Variants in SMAP1 observed in about 807,000 individuals in gnomAD.
SMAP1 encodes the protein small ArfGAP 1, also known as stromal membrane-associated protein 1.
Under a neutral mutation model 58.5 loss-of-function variants are expected in SMAP1, and 24 were observed. The observed-to-expected ratio is 0.41, with a 90% CI of 0.30 to 0.58. The LOEUF (loss-of-function observed/expected upper bound fraction) is 0.58, where lower values mean the gene tolerates loss of function less well. SMAP1 is among the 20% of genes least tolerant of loss of function. The pLI is 0.29. For synonymous variants in SMAP1, 216 were observed against 196.6 expected (o/e 1.10, Z -0.82); for missense variants, 563 against 566.3 (o/e 0.99, Z 0.06).
chr6:70,781,788 G>A lies in SMAP1; in HGVS notation c.414+8363G>A, dbSNP rs148706249. On this transcript the variant is annotated intron_variant, in intron 4 of 10. Transcript: ENST00000370455. ...CTTCATACCTTTTCAAAGGGTGTTT[G>A]TTCACCTTATTCTTGTAGGTGGGAG... Among the ~76,000 whole-genome samples, 482 of 152,288 alleles carry A rather than the reference G, an allele frequency of 3.2e-3. 11 individuals are homozygous for A. Among genetic ancestry groups the A allele is most frequent in the Admixed American group, 0.029 (438 of 15,300 alleles).
intron 1 of SMAP1, among the ~76,000 whole-genome samples, chr6:70,683,447 G>T (rs1010274695): frequency 6.6e-6 from 1 of 152,052 alleles, no homozygotes; most frequent in East Asian, 1.9e-4. Context: ...TGGGATTACA[G>T]GCATGAGCCA....
intron 2 of SMAP1, among the ~76,000 whole-genome samples, chr6:70,754,238 A>G (rs976566510): frequency 1.3e-5 from 2 of 152,164 alleles, no homozygotes; most frequent in Non-Finnish European, 2.9e-5. Context: ...ATAATAGAAT[A>G]TTAAGGAAGT....
intron 1 of SMAP1, among the ~76,000 whole-genome samples, chr6:70,684,916 C>T (rs1489278165): frequency 6.6e-6 from 1 of 152,190 alleles, no homozygotes; most frequent in Non-Finnish European, 1.5e-5. Context: ...TCTCCCACTG[C>T]TGACTCTGAT....
At chr6:70,835,984 A>C (rs1460252192) in intron 6 of SMAP1, among the ~76,000 whole-genome samples, 3 of 152,136 alleles carry the variant, frequency 2.0e-5, no homozygotes, top group Admixed American at 6.5e-5. Context: ...AGTAATTAAT[A>C]ATGTAGATTC....
At chr6:70,735,548 T>C (rs1765586511) in intron 2 of SMAP1, among the ~76,000 whole-genome samples, 2 of 152,176 alleles carry the variant, frequency 1.3e-5, no homozygotes, top group Non-Finnish European at 2.9e-5. Flanking sequence ...GTGGCCAAAG[T>C]GGGCAGATCC....
intron 2 of SMAP1, among the ~76,000 whole-genome samples, chr6:70,740,087 A>G (rs891150967): frequency 6.6e-6 from 1 of 152,208 alleles, no homozygotes; most frequent in Non-Finnish European, 1.5e-5. Flanking sequence ...TCTTCATTGT[A>G]GAGCTATTAT....
At chr6:70,827,553 G>A (rs1383647998) in intron 6 of SMAP1, among the ~76,000 whole-genome samples, 1 of 152,068 alleles carries the variant, frequency 6.6e-6, no homozygotes, top group African/African-American at 2.4e-5. Flanking sequence ...GTCTGAAGAG[G>A]ATACTTTCTA....
intron 1 of SMAP1, among the ~76,000 whole-genome samples, chr6:70,691,145 T>C (rs1767148566): frequency 6.6e-6 from 1 of 152,250 alleles, no homozygotes; most frequent in Admixed American, 6.5e-5. Flanking sequence ...TCTGTAGTAA[T>C]GTCTCTTCTA....
intron 1 of SMAP1, among the ~76,000 whole-genome samples, chr6:70,729,356 A>G (rs1317089647): frequency 1.8e-4 from 27 of 151,222 alleles, no homozygotes; most frequent in African/African-American, 6.5e-4. Context: ...GGAGAATGGC[A>G]TGAACCTGGG....
At chr6:70,819,674 G>A (rs1474593398) in intron 6 of SMAP1, among the ~76,000 whole-genome samples, 3 of 152,154 alleles carry the variant, frequency 2.0e-5, no homozygotes, top group Non-Finnish European at 4.4e-5. Context: ...TATAATGAGA[G>A]TCAAATTGAA....
At chr6:70,759,051 A>G (rs1460293543) in intron 3 of SMAP1, among the ~76,000 whole-genome samples, 1 of 152,076 alleles carries the variant, frequency 6.6e-6, no homozygotes, top group African/African-American at 2.4e-5. Flanking sequence ...GTGATGATAT[A>G]AAGTGCTGGG....
intron 1 of SMAP1, chr6:70,668,545 G>A: frequency 6.5e-7 from 1 of 1,527,846 alleles, no homozygotes. Flanking sequence ...TGTGGGTGGG[G>A]CCGCGCTTAG....
chr6:70,713,539 T>C (rs1768145549), intron 1 of SMAP1, among the ~76,000 whole-genome samples: 1 of 152,188 alleles, frequency 6.6e-6, no homozygotes, highest in Admixed American at 6.5e-5. Flanking sequence ...TAGTGCGTTA[T>C]TTAGTATTTG....
At chr6:70,693,608 G>A (rs548715225) in intron 1 of SMAP1, among the ~76,000 whole-genome samples, 10 of 152,182 alleles carry the variant, frequency 6.6e-5, no homozygotes, top group Non-Finnish European at 1.5e-4. Flanking sequence ...GGCCATCATT[G>A]TATTTTAATA....
chr6:70,843,465 G>A (rs550181362), intron 7 of SMAP1, among the ~76,000 whole-genome samples: 19 of 152,054 alleles, frequency 1.2e-4, no homozygotes, highest in Non-Finnish European at 1.9e-4. Context: ...TCATTATTTC[G>A]CTTTTATAGA....
intron 1 of SMAP1, 142 bp from the exon 2 acceptor site, chr6:70,732,236 A>G (rs1187842566): frequency 2.6e-6 from 2 of 767,202 alleles, no homozygotes; most frequent in African/African-American, 3.6e-5. Flanking sequence ...GACTGCCGCC[A>G]GTACCATTTG....
intron 1 of SMAP1, among the ~76,000 whole-genome samples, chr6:70,713,483 T>TA (rs1465475056): frequency 6.6e-6 from 1 of 152,218 alleles, no homozygotes; most frequent in Non-Finnish European, 1.5e-5. Context: ...CTGAGATATT[T>TA]AAAAAATTCT....
intron 3 of SMAP1, among the ~76,000 whole-genome samples, chr6:70,768,571 G>C (rs1009721481): frequency 3.3e-5 from 5 of 152,182 alleles, no homozygotes; most frequent in African/African-American, 1.2e-4. Flanking sequence ...ATGGTAGTTT[G>C]TATTTCTGTG....
intron 6 of SMAP1, among the ~76,000 whole-genome samples, 178 bp downstream of exon 6, chr6:70,798,915 A>G (rs1209617333): frequency 1.3e-5 from 2 of 152,006 alleles, no homozygotes; most frequent in Non-Finnish European, 2.9e-5. Flanking sequence ...ATTATTTGTA[A>G]TCAGTTATCT....
Sources: gnomAD v4.1 joint callset for allele counts (sites outside exome capture counted in the v4.1 genomes callset) on GRCh38, gnomAD v4.1.1 for gene constraint, MANE v1.5 for transcripts, NCBI Gene and HGNC (gene_info 2026-07-23, HGNC 2026-07-21) for gene names.